The following CDH23 variants were observed in gnomAD, a reference collection of about 807,000 sequenced individuals.
CDH23 encodes the protein cadherin-23.
A neutral mutation model predicts 317.1 loss-of-function variants in CDH23; 189 were observed. The observed-to-expected ratio is 0.60, with a 90% CI of 0.53 to 0.67. The LOEUF is 0.67. Ranked by LOEUF, CDH23 falls within the 30% of genes least tolerant of loss-of-function variation. CDH23 has a pLI of 0.00. For missense variants in CDH23, 4,401 were observed against 4,592.4 expected, an observed-to-expected ratio of 0.96 and a Z score of 1.20; for synonymous variants, 1,839 against 1,876.8, an observed-to-expected ratio of 0.98 and a Z score of 0.52.
chr10:71,541,324 A>C (rs1411445918), intron 6 of CDH23, among the ~76,000 whole-genome samples: 1 of 152,146 alleles, frequency 6.6e-6, no homozygotes, highest in East Asian at 1.9e-4. Context: ...CAACAGCCAC[A>C]CGGTCACCTG....
intron 6 of CDH23, among the ~76,000 whole-genome samples, chr10:71,560,620 G>A (rs1376598161): frequency 6.6e-6 from 1 of 152,086 alleles, no homozygotes; most frequent in Non-Finnish European, 1.5e-5. Flanking sequence ...TTCCCCATCT[G>A]GGAAAAGGAA....
chr10:71,661,455 A>G (rs557760639), intron 14 of CDH23, among the ~76,000 whole-genome samples: 18 of 152,224 alleles, frequency 1.2e-4, no homozygotes, highest in African/African-American at 4.1e-4. Context: ...CCGTTTCTCC[A>G]TCTGCAAAAT....
chr10:71,524,292 C>A (rs1461035171), intron 6 of CDH23, among the ~76,000 whole-genome samples: 1 of 152,114 alleles, frequency 6.6e-6, no homozygotes, highest in Non-Finnish European at 1.5e-5. Flanking sequence ...GGATGCCGTC[C>A]CTGCCCTCAG....
At chr10:71,710,268 G>A (rs756548541) in intron 27 of CDH23, among the ~76,000 whole-genome samples, 2 of 152,286 alleles carry the variant, frequency 1.3e-5, no homozygotes, top group South Asian at 2.1e-4. Context: ...CCCCTCCCTG[G>A]CAGAAGCCCT....
chr10:71,444,094 C>T (rs185305028), intron 2 of CDH23, among the ~76,000 whole-genome samples: 8 of 152,328 alleles, frequency 5.3e-5, no homozygotes, highest in Admixed American at 3.9e-4. Context: ...GGCTGGGCTG[C>T]GTCCTGCTCT....
chr10:71,437,337 G>A (rs745362555), intron 1 of CDH23, among the ~76,000 whole-genome samples: 1 of 152,212 alleles, frequency 6.6e-6, no homozygotes, highest in Non-Finnish European at 1.5e-5. Context: ...GTTCGCGGTG[G>A]CATTGCTTTT....
At chr10:71,500,727 C>T (rs1310734259) in intron 3 of CDH23, among the ~76,000 whole-genome samples, 1 of 152,044 alleles carries the variant, frequency 6.6e-6, no homozygotes, top group Non-Finnish European at 1.5e-5. Context: ...GGCTTGCTGA[C>T]CTTGGGTAGG....
intron 30 of CDH23, among the ~76,000 whole-genome samples, chr10:71,726,955 A>T (rs1866840526): frequency 6.6e-6 from 1 of 152,218 alleles, no homozygotes; most frequent in Non-Finnish European, 1.5e-5. Flanking sequence ...CCCAGGGTAC[A>T]GTGTAAAACA....
chr10:71,760,724 G>T, intron 38 of CDH23: 1 of 740,628 alleles, frequency 1.4e-6, no homozygotes, highest in Non-Finnish European at 2.4e-6. Flanking sequence ...AAGCAGAAGG[G>T]ATGTGCAGCA....
At chr10:71,731,084 G>T (rs1420744988) in intron 31 of CDH23, among the ~76,000 whole-genome samples, 3 of 152,260 alleles carry the variant, frequency 2.0e-5, no homozygotes, top group Non-Finnish European at 4.4e-5. Context: ...CCTGAAGGCA[G>T]CCTGAACCTT....
At chr10:71,537,289 C>A (rs567586987) in intron 6 of CDH23, among the ~76,000 whole-genome samples, 5 of 152,056 alleles carry the variant, frequency 3.3e-5, no homozygotes, top group Admixed American at 2.0e-4. Context: ...CAAATCATAA[C>A]GAGAAAGTCA....
At chr10:71,667,230 C>T (rs1183515851) in intron 14 of CDH23, among the ~76,000 whole-genome samples, 1 of 152,132 alleles carries the variant, frequency 6.6e-6, no homozygotes, top group Non-Finnish European at 1.5e-5. Flanking sequence ...TGAGTGCGTG[C>T]CTGCCAGCCT....
intron 3 of CDH23, among the ~76,000 whole-genome samples, chr10:71,479,755 G>A (rs1851975991): frequency 6.6e-6 from 1 of 152,112 alleles, no homozygotes; most frequent in Non-Finnish European, 1.5e-5. Context: ...GGTGATGCTG[G>A]GGTGGGGAAG....
intron 3 of CDH23, among the ~76,000 whole-genome samples, chr10:71,471,264 C>T (rs1851494995): frequency 6.6e-6 from 1 of 152,210 alleles, no homozygotes. Flanking sequence ...CCCACTAAGG[C>T]CAGCCAGTGG....
At chr10:71,810,368 G>T (rs1453310898) in intron 61 of CDH23, 104 bp from the exon 62 acceptor site, 2 of 1,052,792 alleles carry the variant, frequency 1.9e-6, no homozygotes, top group East Asian at 2.5e-5. Context: ...GTAGTGAAGG[G>T]TCTATTTGCA....
chr10:71,510,114 A>T lies in CDH23; in HGVS notation c.178A>T (p.Met60Leu), dbSNP rs1853874436. 1 of 1,613,992 alleles carries T rather than the reference A, an allele frequency of 6.2e-7. No homozygotes were observed. The highest frequency in any genetic ancestry group is 8.5e-7 in the Non-Finnish European group (1 of 1,179,886). The change falls in exon 4 of 70, where the codon ATG (methionine) becomes TTG (leucine). Residue 60 changes from methionine to leucine, a missense_variant. Transcript: ENST00000224721. ...SSVTQLLAQD[M>L]DNDPLVFGVS... The stretch of plus-strand genomic sequence containing the variant: ...TGTGACCCAGTTGCTGGCCCAAGAC[A>T]TGGACAATGACCCCCTGGTGTTTGG...
At chr10:71,645,476 TCTCCCCG>T (rs1158566926) in intron 12 of CDH23, among the ~76,000 whole-genome samples, 1 of 152,110 alleles carries the variant, frequency 6.6e-6, no homozygotes, top group African/African-American at 2.4e-5. Context: ...CCTTCCTCTG[TCTCCCCG>T]CTGGGTCTTG....
chr10:71,753,651 C>G (rs1438226795), intron 38 of CDH23, among the ~76,000 whole-genome samples: 1 of 152,188 alleles, frequency 6.6e-6, no homozygotes, highest in Non-Finnish European at 1.5e-5. Flanking sequence ...ACCCCACCCC[C>G]CAAACTGGCC....
chr10:71,398,428 A>AGGGTGTGTGTGTGTGT (rs759251355), intron 1 of CDH23, among the ~76,000 whole-genome samples: 1 of 120,166 alleles, frequency 8.3e-6, no homozygotes, highest in Non-Finnish European at 1.7e-5. Flanking sequence ...GAGACACAGG[A>AGGGTGTGTGTGTGTGT]GTGTGTGTGT....
Sources: gnomAD v4.1 joint callset for allele counts (sites outside exome capture counted in the v4.1 genomes callset) on GRCh38, gnomAD v4.1.1 for gene constraint, MANE v1.5 for transcripts, NCBI Gene and HGNC (gene_info 2026-07-23, HGNC 2026-07-21) for gene names.